The following MBD5 variants were observed in gnomAD, a reference collection of about 807,000 sequenced individuals.
MBD5 encodes methyl-CpG-binding domain protein 5.
MBD5 carries 13 observed loss-of-function variants against 117.3 expected under a neutral mutation model. That is an observed-to-expected ratio of 0.11 (90% confidence interval 0.07 to 0.18). MBD5 has a LOEUF of 0.18. MBD5 is among the 10% of genes least tolerant of loss of function. MBD5 has a pLI of 1.00. For missense variants in MBD5, 1,879 were observed against 2,093.8 expected, an observed-to-expected ratio of 0.90 and a Z score of 2.00; for synonymous variants, 727 against 766.4, an observed-to-expected ratio of 0.95 and a Z score of 0.85.
At chr2:148,295,852 G>T in intron 3 of MBD5, 1 of 171,764 alleles carries the variant, frequency 5.8e-6, no homozygotes. Flanking sequence ...AGAAAGTTTC[G>T]TACATCAGTG....
At chr2:148,245,972 A>G (rs1381813164) in intron 3 of MBD5, among the ~76,000 whole-genome samples, 1 of 152,204 alleles carries the variant, frequency 6.6e-6, no homozygotes, top group East Asian at 1.9e-4. Flanking sequence ...ACTGATTGGT[A>G]TGTGATTCAG....
intron 3 of MBD5, among the ~76,000 whole-genome samples, chr2:148,305,610 G>A (rs1574264435): frequency 1.3e-5 from 2 of 152,150 alleles, no homozygotes; most frequent in East Asian, 3.8e-4. Flanking sequence ...ACTTTCTGAG[G>A]GGCCCAAACA....
chr2:148,376,744 A>G (rs1257615048), intron 4 of MBD5, among the ~76,000 whole-genome samples: 1 of 138,810 alleles, frequency 7.2e-6, no homozygotes, highest in Non-Finnish European at 1.5e-5. Context: ...TATATTATAT[A>G]TTATAATTAT....
chr2:148,294,509 T>TTTTTTGTTGTTTTTTTTTTTTGTTTG (rs750245317), intron 3 of MBD5, among the ~76,000 whole-genome samples: 1 of 129,984 alleles, frequency 7.7e-6, no homozygotes, highest in Non-Finnish European at 1.6e-5. Flanking sequence ...CAGTTTTTTT[T>TTTTTTGTTGTTTTTTTTTTTTGTTTG]TTTTTTTTTT....
chr2:148,254,061 C>T (rs1022646695), intron 3 of MBD5, among the ~76,000 whole-genome samples: 1 of 152,192 alleles, frequency 6.6e-6, no homozygotes, highest in Non-Finnish European at 1.5e-5. Flanking sequence ...CCATAACTCA[C>T]AACAACAATA....
At position 148,021,547 on chromosome 2, in the gene MBD5, A is replaced by G. The variant is rs1693731215; in HGVS notation, c.-1062A>G. The G allele has an allele frequency of 1.3e-5, 7 of 555,248 alleles. No homozygotes were observed. Among genetic ancestry groups the G allele is most frequent in the South Asian group, 4.6e-5 (3 of 65,658 alleles). 34.4% of individuals were successfully genotyped at this position (555,248 alleles called of 1,614,324 possible). On this transcript the variant is annotated 5_prime_UTR_variant, in exon 1 of 14. Transcript: ENST00000642680. ...GCTTGGCCCTGGCTGGAGACATCTCACTACACCCAGGAGCAGCCACTTCCC... is the reference window on the plus strand; with the variant it reads ...GCTTGGCCCTGGCTGGAGACATCTCGCTACACCCAGGAGCAGCCACTTCCC...
In MBD5 at chr2:148,470,018, G is replaced by A. The variant is rs1196730092; in HGVS notation, c.2075G>A (p.Gly692Asp). ...GGACCTGACTTGCTAAGGAAGCAGG[G>A]TCAGGGTTCATTTCCCATCAGTTCA... ...KPGPDLLRKQ[G>D]QGSFPISSMS... Residue 692 changes from glycine to aspartate, a missense_variant, in exon 8 of 14, where the codon GGT (glycine) becomes GAT (aspartate). By Grantham distance (94) the Gly-to-Asp change is moderately conservative. Coordinates refer to ENST00000642680, the MANE Select transcript of MBD5 (RefSeq NM_001378120.1). 6.2e-7 allele frequency: 1 copy of A among 1,613,780 alleles called. No individual in the cohort carries two copies.
intron 1 of MBD5, among the ~76,000 whole-genome samples, chr2:148,057,053 G>A (rs1694885986): frequency 6.6e-6 from 1 of 151,574 alleles, no homozygotes; most frequent in South Asian, 2.1e-4. Context: ...TGCATTATTT[G>A]TTGTTTCATT....
chr2:148,139,364 G>A (rs1301665356), intron 1 of MBD5, among the ~76,000 whole-genome samples: 1 of 152,042 alleles, frequency 6.6e-6, no homozygotes, highest in Admixed American at 6.6e-5. Context: ...GCGCCACCAC[G>A]CCCAGCTAAT....
intron 1 of MBD5, among the ~76,000 whole-genome samples, chr2:148,129,368 G>C (rs1036162942): frequency 6.6e-6 from 1 of 152,072 alleles, no homozygotes; most frequent in African/African-American, 2.4e-5. Flanking sequence ...GGCGATGTGT[G>C]CCTGTAATCT....
intron 3 of MBD5, among the ~76,000 whole-genome samples, chr2:148,319,997 A>G (rs949104485): frequency 6.6e-6 from 1 of 152,190 alleles, no homozygotes; most frequent in Non-Finnish European, 1.5e-5. Context: ...CCTTTTCTGC[A>G]TCTATTAAGA....
chr2:148,122,815 G>A (rs994434163), intron 1 of MBD5, among the ~76,000 whole-genome samples: 6 of 152,164 alleles, frequency 3.9e-5, no homozygotes, highest in Non-Finnish European at 8.8e-5. Context: ...AATAGCCTTT[G>A]TAAACTGTGA....
At chr2:148,375,574 G>A (rs1004962067) in intron 4 of MBD5, among the ~76,000 whole-genome samples, 5 of 152,142 alleles carry the variant, frequency 3.3e-5, no homozygotes, top group African/African-American at 1.2e-4. Context: ...GCTGGGATAT[G>A]GGGTACTTGC....
chr2:148,308,100 A>C (rs1168591514), intron 3 of MBD5, among the ~76,000 whole-genome samples: 1 of 152,192 alleles, frequency 6.6e-6, no homozygotes, highest in Non-Finnish European at 1.5e-5. Flanking sequence ...TGCAGTAAAC[A>C]TATGTGTGCA....
At chr2:148,426,469 G>A (rs9808004) in intron 4 of MBD5, among the ~76,000 whole-genome samples, 92,272 of 149,228 alleles carry the variant, frequency 0.62, 29,189 homozygotes, top group African/African-American at 0.79. Flanking sequence ...GACCAATGGA[G>A]CAGAACAGAG....
chr2:148,119,453 T>C (rs1696715533), intron 1 of MBD5, among the ~76,000 whole-genome samples: 2 of 152,328 alleles, frequency 1.3e-5, no homozygotes, highest in East Asian at 1.9e-4. Flanking sequence ...TCTTATCCTA[T>C]GGGTTTTCAC....
At chr2:148,022,079 A>C (rs529739676) in intron 1 of MBD5, among the ~76,000 whole-genome samples, 2 of 152,168 alleles carry the variant, frequency 1.3e-5, no homozygotes, top group East Asian at 3.9e-4. Flanking sequence ...CTCCAGGAAA[A>C]GCTCCACTGC....
intron 3 of MBD5, among the ~76,000 whole-genome samples, chr2:148,326,751 C>A (rs1281712221): frequency 6.6e-6 from 1 of 151,878 alleles, no homozygotes; most frequent in Non-Finnish European, 1.5e-5. Flanking sequence ...AGATGGGTTT[C>A]CTGAATACAG....
At chr2:148,103,325 T>A (rs1465551384) in intron 1 of MBD5, among the ~76,000 whole-genome samples, 2 of 152,166 alleles carry the variant, frequency 1.3e-5, no homozygotes, top group Non-Finnish European at 2.9e-5. Context: ...TCAAAATTAA[T>A]CTGATTGAAA....
Sources: allele counts gnomAD v4.1 joint callset (sites outside exome capture counted in the v4.1 genomes callset), GRCh38; gene constraint gnomAD v4.1.1; transcripts MANE v1.5; gene names NCBI Gene and HGNC (gene_info 2026-07-23, HGNC 2026-07-21).